The following ARHGAP10 variants were observed in gnomAD, a reference collection of about 807,000 sequenced individuals.
The protein encoded by ARHGAP10 is rho GTPase-activating protein 10.
A neutral mutation model predicts 108.6 loss-of-function variants in ARHGAP10; 87 were observed. The ratio of observed to expected loss-of-function variants is 0.80; its 90% CI spans 0.67 to 0.96. The LOEUF is 0.96. Among genes scored for constraint, ARHGAP10 ranks in the 40% least tolerant of loss-of-function variants. The pLI is 0.00. For synonymous variants in ARHGAP10, 347 were observed against 341.1 expected, an observed-to-expected ratio of 1.02 and a Z score of -0.19; for missense variants, 939 against 954.5, an observed-to-expected ratio of 0.98 and a Z score of 0.21.
At chr4:147,767,602 A>C (rs1032265035) in intron 1 of ARHGAP10, among the ~76,000 whole-genome samples, 1 of 152,176 alleles carries the variant, frequency 6.6e-6, no homozygotes, top group Non-Finnish European at 1.5e-5. Context: ...CTGTAGTCCC[A>C]GTTACTTGGG....
At chr4:147,802,188 T>A (rs1731610716) in intron 1 of ARHGAP10, among the ~76,000 whole-genome samples, 1 of 152,222 alleles carries the variant, frequency 6.6e-6, no homozygotes, top group Non-Finnish European at 1.5e-5. Context: ...GTTCCCTACT[T>A]AATAGTCTTG....
chr4:147,892,314 A>G (rs1340936184), intron 10 of ARHGAP10, among the ~76,000 whole-genome samples: 1 of 152,210 alleles, frequency 6.6e-6, no homozygotes, highest in Admixed American at 6.5e-5. Flanking sequence ...AGTTAAGAGC[A>G]TGTTGCCTTC....
chr4:147,972,831 T>C (rs1739460813), intron 18 of ARHGAP10, among the ~76,000 whole-genome samples: 2 of 152,096 alleles, frequency 1.3e-5, no homozygotes, highest in African/African-American at 2.4e-5. Flanking sequence ...CTTGGCTCAC[T>C]GCAATCTCTG....
chr4:147,891,273 A>T (rs1003540580), intron 10 of ARHGAP10, among the ~76,000 whole-genome samples: 2 of 152,254 alleles, frequency 1.3e-5, no homozygotes, highest in Admixed American at 6.5e-5. Context: ...TGGTATAGCC[A>T]TATGATGAAA....
intron 1 of ARHGAP10, among the ~76,000 whole-genome samples, chr4:147,805,536 A>T (rs1034982486): frequency 6.6e-6 from 1 of 152,222 alleles, no homozygotes. Flanking sequence ...TAGGAAGAAC[A>T]TTGAATCTGT....
intron 7 of ARHGAP10, among the ~76,000 whole-genome samples, chr4:147,868,826 G>A (rs555576253): frequency 6.6e-6 from 1 of 152,202 alleles, no homozygotes; most frequent in African/African-American, 2.4e-5. Context: ...TGATGCCACC[G>A]CGGATCTGAC....
At chr4:148,071,084 T>G (rs1730154523) in intron 22 of ARHGAP10, among the ~76,000 whole-genome samples, 1 of 152,146 alleles carries the variant, frequency 6.6e-6, no homozygotes, top group Non-Finnish European at 1.5e-5. Flanking sequence ...GACGAGACTC[T>G]GAGAGGAGGA....
intron 1 of ARHGAP10, among the ~76,000 whole-genome samples, chr4:147,817,474 C>T (rs1342358881): frequency 6.6e-6 from 1 of 152,180 alleles, no homozygotes; most frequent in African/African-American, 2.4e-5. Context: ...GAATCAAGGA[C>T]AAGCAGTGGC....
At chr4:147,755,988 A>G (rs1334416100) in intron 1 of ARHGAP10, among the ~76,000 whole-genome samples, 1 of 149,824 alleles carries the variant, frequency 6.7e-6, no homozygotes, top group African/African-American at 2.4e-5. Context: ...CCTGTTGGTA[A>G]TTTTTTTTTT....
At chr4:148,067,895 A>G (rs532352796) in intron 22 of ARHGAP10, among the ~76,000 whole-genome samples, 1 of 152,138 alleles carries the variant, frequency 6.6e-6, no homozygotes, top group Non-Finnish European at 1.5e-5. Flanking sequence ...GACTTAAGTT[A>G]TGAGTTCCAG....
intron 3 of ARHGAP10, among the ~76,000 whole-genome samples, chr4:147,829,939 G>A (rs1326429880): frequency 6.6e-6 from 1 of 152,182 alleles, no homozygotes; most frequent in African/African-American, 2.4e-5. Context: ...GGAAGCGGGA[G>A]TGCCAGGAGA....
intron 3 of ARHGAP10, among the ~76,000 whole-genome samples, chr4:147,846,812 A>G (rs1374487732): frequency 6.6e-6 from 1 of 152,180 alleles, no homozygotes; most frequent in African/African-American, 2.4e-5. Flanking sequence ...AGGGGGAAGG[A>G]AAAAAACAAT....
At chr4:148,071,430 A>G (rs536530707) in intron 22 of ARHGAP10, among the ~76,000 whole-genome samples, 2 of 152,354 alleles carry the variant, frequency 1.3e-5, no homozygotes, top group East Asian at 1.9e-4. Flanking sequence ...AGGCTGGCCA[A>G]TGTGGTGAAA....
At chr4:147,873,308 G>A (rs1734915868) in intron 7 of ARHGAP10, among the ~76,000 whole-genome samples, 1 of 152,088 alleles carries the variant, frequency 6.6e-6, no homozygotes, top group African/African-American at 2.4e-5. Flanking sequence ...CAAATCTAGG[G>A]CAATTTGAGC....
chr4:147,732,336 A>T lies in ARHGAP10; in HGVS notation c.35A>T (p.Tyr12Phe), dbSNP rs1560728706. ...CAGCCCCTGGAGTTCAGCGACTGCT[A>T]CCTCGACAGCCCGTGGTTCCGGGAG... The part of the protein sequence containing the change: ...GLQPLEFSDC[Y>F]LDSPWFRERI... The change falls in exon 1 of 23, where the codon TAC (tyrosine) becomes TTC (phenylalanine). Residue 12 changes from tyrosine to phenylalanine, a missense_variant. Tyr to Phe is a conservative substitution (Grantham distance 22). Coordinates refer to ENST00000336498, the MANE Select transcript of ARHGAP10 (RefSeq NM_024605.4). The T allele has an allele frequency of 6.8e-6, 11 of 1,613,072 alleles. No individual in the cohort carries two copies. The highest frequency in any genetic ancestry group is 3.3e-4 in the Middle Eastern group (2 of 6,058).
chr4:147,783,715 T>C (rs1354031149), intron 1 of ARHGAP10, among the ~76,000 whole-genome samples: 1 of 146,624 alleles, frequency 6.8e-6, no homozygotes, highest in African/African-American at 2.5e-5. Flanking sequence ...TTGTATAATT[T>C]ATAGAACACA....
At chr4:147,900,140 A>G (rs1736177901) in intron 10 of ARHGAP10, among the ~76,000 whole-genome samples, 1 of 152,214 alleles carries the variant, frequency 6.6e-6, no homozygotes, top group Non-Finnish European at 1.5e-5. Context: ...GCTATAGAAC[A>G]TGCAGTTGAA....
chr4:147,980,987 A>G (rs1216496973), intron 18 of ARHGAP10, among the ~76,000 whole-genome samples: 2 of 152,126 alleles, frequency 1.3e-5, no homozygotes, highest in African/African-American at 4.8e-5. Context: ...TAATCCTATC[A>G]ATCTTGTTTA....
intron 1 of ARHGAP10, among the ~76,000 whole-genome samples, chr4:147,815,888 T>G (rs1205045995): frequency 6.6e-6 from 1 of 152,164 alleles, no homozygotes; most frequent in Non-Finnish European, 1.5e-5. Context: ...TTTAGCCCCA[T>G]GAGACTTCCC....
Sources: gnomAD v4.1 joint callset for allele counts (sites outside exome capture counted in the v4.1 genomes callset) on GRCh38, gnomAD v4.1.1 for gene constraint, MANE v1.5 for transcripts, NCBI Gene and HGNC (gene_info 2026-07-23, HGNC 2026-07-21) for gene names.